XPR1: variants seen among roughly 807,000 people sequenced by gnomAD.
The protein encoded by XPR1 is xenotropic and polytropic retrovirus receptor 1.
A neutral mutation model predicts 87.5 loss-of-function variants in XPR1; 28 were observed. The observed-to-expected ratio is 0.32, with a 90% confidence interval of 0.24 to 0.44. The LOEUF is 0.44. Ranked by LOEUF, XPR1 falls within the 20% of genes least tolerant of loss-of-function variation. XPR1 has a pLI of 1.00. For synonymous variants in XPR1, 300 were observed against 306.1 expected, an observed-to-expected ratio of 0.98 and a Z score of 0.21; for missense variants, 559 against 862.3, an observed-to-expected ratio of 0.65 and a Z score of 4.41.
chr1:180,647,679 A>C (rs1482770762), intron 1 of XPR1, among the ~76,000 whole-genome samples: 1 of 152,110 alleles, frequency 6.6e-6, no homozygotes, highest in African/African-American at 2.4e-5. Context: ...TGGGTGGATC[A>C]CCTGAGGTCG....
intron 2 of XPR1, among the ~76,000 whole-genome samples, chr1:180,697,773 T>C (rs777607009): frequency 6.6e-6 from 1 of 152,326 alleles, no homozygotes; most frequent in Non-Finnish European, 1.5e-5. Flanking sequence ...CCTCTTGTTA[T>C]TGATTTATAG....
At chr1:180,757,093 T>A (rs1647778328) in intron 2 of XPR1, among the ~76,000 whole-genome samples, 1 of 152,232 alleles carries the variant, frequency 6.6e-6, no homozygotes. Context: ...TATTAATTCA[T>A]CAACTTTACT....
chr1:180,765,773 A>G (rs1648262578), intron 2 of XPR1, among the ~76,000 whole-genome samples: 1 of 151,210 alleles, frequency 6.6e-6, no homozygotes, highest in African/African-American at 2.4e-5. Context: ...AGTTGGTTGA[A>G]TCTGAGGTTG....
intron 1 of XPR1, among the ~76,000 whole-genome samples, chr1:180,649,046 A>G (rs571939590): frequency 3.3e-5 from 5 of 152,212 alleles, no homozygotes; most frequent in African/African-American, 1.2e-4. Flanking sequence ...TGTTTGTGGG[A>G]GGAGTATAAA....
chr1:180,877,288 G>T (rs1652693931), intron 13 of XPR1, among the ~76,000 whole-genome samples: 1 of 152,194 alleles, frequency 6.6e-6, no homozygotes, highest in Non-Finnish European at 1.5e-5. Context: ...TGATTATATA[G>T]TTACAGTGAG....
At chr1:180,684,109 T>G (rs1258866722) in intron 2 of XPR1, among the ~76,000 whole-genome samples, 10 of 152,236 alleles carry the variant, frequency 6.6e-5, no homozygotes, top group African/African-American at 4.8e-5. Context: ...GGTCTGACAT[T>G]TAAGTCTTTA....
At chr1:180,718,746 G>A (rs943882883) in intron 2 of XPR1, among the ~76,000 whole-genome samples, 39 of 146,364 alleles carry the variant, frequency 2.7e-4, no homozygotes, top group South Asian at 2.6e-3. Flanking sequence ...TCGGCTCACC[G>A]CAACCCCTGC....
rs764366067 is a variant in XPR1, at chr1:180,835,005, A to C, written c.1266A>C (p.Lys422Asn). ...YMICFYSLEL[K>N]WDESKGLLPN... is the part of the protein sequence containing the mutation. The stretch of plus-strand genomic sequence containing the variant: ...TCTGCTTCTACAGTTTGGAGCTCAA[A>C]TGGGATGAAAGTAAGGGCCTGTTGC... Residue 422 changes from lysine to asparagine, a missense_variant, in exon 10 of 15, where the codon AAA (lysine) becomes AAC (asparagine). This residue lies in a region of XPR1 where 264 missense variants were observed against 377.2 expected (regional missense o/e 0.70). Coordinates refer to ENST00000367590, the MANE Select transcript of XPR1 (RefSeq NM_004736.4). The C allele has an allele frequency of 1.2e-6, 2 of 1,614,118 alleles. No homozygotes were observed. The highest frequency in any genetic ancestry group is 4.5e-5 in the East Asian group (2 of 44,870).
intron 9 of XPR1, among the ~76,000 whole-genome samples, chr1:180,833,588 A>C (rs2102165471): frequency 6.6e-6 from 1 of 152,356 alleles, no homozygotes; most frequent in African/African-American, 2.4e-5. Flanking sequence ...AAAAGAGACA[A>C]GGGCATTACA....
intron 1 of XPR1, among the ~76,000 whole-genome samples, chr1:180,642,808 G>A (rs1571669005): frequency 6.6e-6 from 1 of 152,156 alleles, no homozygotes; most frequent in South Asian, 2.1e-4. Flanking sequence ...GCTCTAGAGT[G>A]TAAAGACGTT....
chr1:180,734,706 G>A (rs1240503706), intron 2 of XPR1, among the ~76,000 whole-genome samples: 1 of 152,168 alleles, frequency 6.6e-6, no homozygotes, highest in African/African-American at 2.4e-5. Context: ...ATTGGCTAGA[G>A]AACAAGATTT....
At chr1:180,844,527 A>T (rs1651615453) in intron 11 of XPR1, among the ~76,000 whole-genome samples, 1 of 152,202 alleles carries the variant, frequency 6.6e-6, no homozygotes, top group African/African-American at 2.4e-5. Flanking sequence ...TTTCCCTTAG[A>T]GTTTTATAAT....
intron 13 of XPR1, among the ~76,000 whole-genome samples, chr1:180,878,958 G>T (rs564588226): frequency 5.9e-5 from 9 of 152,162 alleles, no homozygotes; most frequent in Admixed American, 4.6e-4. Context: ...CTGTCTTTAT[G>T]CTATCTCCAG....
At chr1:180,789,898 G>T (rs1198969239) in intron 3 of XPR1, among the ~76,000 whole-genome samples, 2 of 152,116 alleles carry the variant, frequency 1.3e-5, no homozygotes, top group Non-Finnish European at 2.9e-5. Context: ...TGGAACCACT[G>T]TAAATTTGTT....
At chr1:180,680,614 C>A (rs918141890) in intron 1 of XPR1, among the ~76,000 whole-genome samples, 1 of 152,090 alleles carries the variant, frequency 6.6e-6, no homozygotes, top group African/African-American at 2.4e-5. Flanking sequence ...CCGCTCTCCT[C>A]GGCCTCCCAA....
chr1:180,662,445 A>G (rs1307202823), intron 1 of XPR1, among the ~76,000 whole-genome samples: 2 of 152,132 alleles, frequency 1.3e-5, no homozygotes, highest in Non-Finnish European at 2.9e-5. Flanking sequence ...TAAATGTGTC[A>G]TGCCACTCTC....
intron 2 of XPR1, among the ~76,000 whole-genome samples, chr1:180,684,993 A>T (rs1260847052): frequency 6.6e-6 from 1 of 151,946 alleles, no homozygotes; most frequent in Non-Finnish European, 1.5e-5. Flanking sequence ...CTCCTGCCTG[A>T]TTGCCCTGGC....
At chr1:180,847,264 A>G (rs1651717062) in intron 11 of XPR1, among the ~76,000 whole-genome samples, 2 of 152,240 alleles carry the variant, frequency 1.3e-5, no homozygotes, top group South Asian at 4.1e-4. Flanking sequence ...GAAAAAGTTG[A>G]TATTTGAAAT....
chr1:180,875,140 C>G (rs774764043), intron 13 of XPR1, among the ~76,000 whole-genome samples: 3 of 152,112 alleles, frequency 2.0e-5, no homozygotes, highest in Non-Finnish European at 4.4e-5. Flanking sequence ...AAAGATAACT[C>G]AAAAGTCCCA....
Sources: allele counts gnomAD v4.1 joint callset (sites outside exome capture counted in the v4.1 genomes callset), GRCh38; gene constraint gnomAD v4.1.1; regional missense constraint gnomAD v4.1.1; transcripts MANE v1.5; gene names NCBI Gene and HGNC (gene_info 2026-07-23, HGNC 2026-07-21).